SLC25A19: variants seen among roughly 807,000 people sequenced by gnomAD.
The protein encoded by SLC25A19 is solute carrier family 25 member 19.
Under a neutral mutation model 27.9 loss-of-function variants are expected in SLC25A19, and 18 were observed. The observed-to-expected ratio is 0.64, with a 90% CI of 0.45 to 0.96. SLC25A19 has a LOEUF of 0.96. SLC25A19 is among the 40% of genes least tolerant of loss of function. The pLI is 0.00. For missense variants in SLC25A19, 371 were observed against 418.3 expected (o/e 0.89, Z 0.99); for synonymous variants, 169 against 167.1 (o/e 1.01, Z -0.09).
chr17:75,287,902 G>A (rs1028523048), intron 2 of SLC25A19, among the ~76,000 whole-genome samples: 5 of 152,206 alleles, frequency 3.3e-5, no homozygotes, highest in Non-Finnish European at 7.3e-5. Context: ...CCAGCACTTT[G>A]GGAGGCCGAG....
chr17:75,283,909 T>A (rs2078117741), intron 4 of SLC25A19, among the ~76,000 whole-genome samples: 1 of 152,054 alleles, frequency 6.6e-6, no homozygotes, highest in South Asian at 2.1e-4. Flanking sequence ...AGGTCACAAG[T>A]TCGAGACCAG....
chr17:75,274,075 A>G (rs936772954), intron 7 of SLC25A19, among the ~76,000 whole-genome samples: 2 of 152,142 alleles, frequency 1.3e-5, no homozygotes, highest in African/African-American at 4.8e-5. Flanking sequence ...AATAGCAAAT[A>G]AATTAATTTC....
rs927444469 is a variant in SLC25A19 at position 75,283,216 on chromosome 17, G to A, written c.459+207C>T. 8.3e-5 allele frequency among the ~76,000 whole-genome samples: 12 copies of A among 145,348 alleles called. No individual in the cohort carries two copies. Among genetic ancestry groups the A allele is most frequent in the Admixed American group, 4.8e-4 (7 of 14,590 alleles). ...CTCGGGAGGCTGAGGCAGGAGAATC[G>A]CTTGAACTCGGGAGGTGGAGCTTGC... is the stretch of plus-strand genomic sequence containing the variant. On this transcript the variant is annotated intron_variant, in intron 5 of 7. Coordinates refer to ENST00000416858, the MANE Select transcript of SLC25A19 (RefSeq NM_001126121.2).
At chr17:75,286,557 A>C in intron 3 of SLC25A19, 76 bp downstream of exon 3, 1 of 1,613,960 alleles carries the variant, frequency 6.2e-7, no homozygotes, top group South Asian at 1.1e-5. Flanking sequence ...ATAGAATTCC[A>C]AGTTTTAGGA....
chr17:75,287,696 C>T (rs1040159308), intron 2 of SLC25A19: 5 of 152,260 alleles, frequency 3.3e-5, no homozygotes, highest in Admixed American at 1.3e-4. Flanking sequence ...GACTGAAGGA[C>T]GTGCAGGGCT....
chr17:75,280,226 C>G (rs980169220), intron 5 of SLC25A19, among the ~76,000 whole-genome samples: 1 of 151,974 alleles, frequency 6.6e-6, no homozygotes, highest in Non-Finnish European at 1.5e-5. Flanking sequence ...CAAAAATTAG[C>G]CAGGTGTGGT....
At chr17:75,283,068 G>A (rs2078081625) in intron 5 of SLC25A19, among the ~76,000 whole-genome samples, 1 of 151,210 alleles carries the variant, frequency 6.6e-6, no homozygotes, top group African/African-American at 2.4e-5. Context: ...GGGAGGCCGA[G>A]GCGGGCGGAT....
chr17:75,280,966 A>C (rs1244852593), intron 5 of SLC25A19, among the ~76,000 whole-genome samples: 7 of 146,336 alleles, frequency 4.8e-5, no homozygotes, highest in African/African-American at 1.8e-4. Context: ...AAAAAAAAAA[A>C]CCAGGAGTTC....
At chr17:75,277,006 T>C (rs1348368706) in intron 7 of SLC25A19, among the ~76,000 whole-genome samples, 1 of 149,324 alleles carries the variant, frequency 6.7e-6, no homozygotes, top group African/African-American at 2.5e-5. Flanking sequence ...AGAGCAGAAA[T>C]TGTGCTAGGT....
At chr17:75,274,444 G>A (rs942763619) in intron 7 of SLC25A19, among the ~76,000 whole-genome samples, 1 of 152,120 alleles carries the variant, frequency 6.6e-6, no homozygotes, top group Non-Finnish European at 1.5e-5. Context: ...ACGACATCAT[G>A]AGAAATCAAG....
chr17:75,277,341 T>C lies in SLC25A19; in HGVS notation c.774+12A>G. ...AGGGTCAGAGCTGTCTGCCTGGGAG[T>C]GAACGGCTCACCTGGCCAAAGGCAG... On this transcript the variant is annotated intron_variant, in intron 7 of 7. Transcript: ENST00000416858. The C allele has an allele frequency of 6.2e-7, 1 of 1,612,318 alleles. No individual in the cohort carries two copies. The highest frequency in any genetic ancestry group is 8.5e-7 in the Non-Finnish European group (1 of 1,179,578).
Position 75,283,515 on chromosome 17 carries a change from C to G in SLC25A19, c.367G>C (p.Val123Leu), listed in dbSNP as rs1457220620. ...ATACAGGCAGCCAGGCCACCACATA[C>G]AAAGTGCACTGAGAATTCCCGGGCG... is the stretch of plus-strand genomic sequence containing the variant. ...YDAREFSVHF[V>L]CGGLAACMAT... Residue 123 changes from valine (V) to leucine (L), a missense_variant, in exon 5 of 8, where the codon GTA (valine) becomes CTA (leucine). Transcript: ENST00000416858. 2 of 1,613,792 alleles carry G rather than the reference C, an allele frequency of 1.2e-6. No homozygotes were observed. Among genetic ancestry groups the G allele is most frequent in the African/African-American group, 1.3e-5 (1 of 75,042 alleles).
At chr17:75,286,209 T>C (rs1332520856) in intron 4 of SLC25A19, 95 bp downstream of exon 4, 3 of 1,496,850 alleles carry the variant, frequency 2.0e-6, no homozygotes, top group African/African-American at 1.4e-5. Flanking sequence ...TCTTCCGTCC[T>C]GCCCTGCGCG....
rs1449677304 is a variant in SLC25A19, at chr17:75,278,178, G to A, written c.617C>T (p.Ala206Val). Residue 206 changes from alanine to valine, a missense_variant, in exon 6 of 8, where the codon GCC becomes GTC. Ala to Val is a moderately conservative substitution (Grantham distance 64, BLOSUM62 0). Coordinates refer to ENST00000416858, the MANE Select transcript of SLC25A19 (RefSeq NM_001126121.2). ...YSSLKHLYKW[A>V]IPAEGKKNEN... is the part of the protein sequence containing the mutation. ...ATTTTTCTTTCCTTCGGCTGGTATGGCCCACTTGTACAGGTGCTTCAAGGA... is the reference window on the plus strand; with the variant it reads ...ATTTTTCTTTCCTTCGGCTGGTATGACCCACTTGTACAGGTGCTTCAAGGA... 6.2e-7 allele frequency: 1 copy of A among 1,613,794 alleles called. No homozygotes were observed. Among genetic ancestry groups the A allele is most frequent in the African/African-American group, 1.3e-5 (1 of 74,994 alleles).
chr17:75,275,089 A>G (rs932131565), intron 7 of SLC25A19, among the ~76,000 whole-genome samples: 5 of 146,752 alleles, frequency 3.4e-5, no homozygotes, highest in African/African-American at 1.3e-4. Context: ...CCTGGGCTTA[A>G]GCAATTCTCC....
At chr17:75,287,059 A>G (rs1387755498) in intron 2 of SLC25A19, 1 of 371,336 alleles carries the variant, frequency 2.7e-6, no homozygotes, top group Non-Finnish European at 5.2e-6. Flanking sequence ...AAATTTAAAA[A>G]TAAAATAAAA....
At chr17:75,283,660 A>G (rs2078110834) in intron 4 of SLC25A19, 67 bp from the exon 5 acceptor site, 3 of 1,508,660 alleles carry the variant, frequency 2.0e-6, no homozygotes, top group East Asian at 2.3e-5. Flanking sequence ...ATACTCCCCA[A>G]ATACATCACC....
chr17:75,273,683 C>G lies in SLC25A19; in HGVS notation c.775-44G>C, dbSNP rs763127202. ...TGAAAATATGGATGCCCGCTCTGCT[C>G]CCATCAACACAGCCCCTGGCACATC... On this transcript the variant is annotated intron_variant, in intron 7 of 7. Coordinates refer to ENST00000416858, the MANE Select transcript of SLC25A19 (RefSeq NM_001126121.2). 2.6e-6 allele frequency: 4 copies of G among 1,560,794 alleles called. No individual in the cohort carries two copies. The South Asian group carries it at 3.3e-5, about 13-fold the overall frequency.
intron 4 of SLC25A19, among the ~76,000 whole-genome samples, chr17:75,285,221 G>A (rs2078154144): frequency 6.6e-6 from 1 of 152,190 alleles, no homozygotes; most frequent in Non-Finnish European, 1.5e-5. Context: ...ACAGGTGTGA[G>A]CCACTATACC....
Sources: allele counts gnomAD v4.1 joint callset (sites outside exome capture counted in the v4.1 genomes callset), GRCh38; gene constraint gnomAD v4.1.1; transcripts MANE v1.5; gene names NCBI Gene and HGNC (gene_info 2026-07-23, HGNC 2026-07-21).